DCAF6: variants seen among roughly 807,000 people sequenced by gnomAD.
DCAF6 encodes DDB1 and CUL4 associated factor 6.
DCAF6 carries 54 observed loss-of-function variants against 125.1 expected under a neutral mutation model. The observed-to-expected ratio is 0.43, with a 90% CI of 0.35 to 0.54. DCAF6 has a LOEUF of 0.54. Ranked by LOEUF, DCAF6 falls within the 20% of genes least tolerant of loss-of-function variation. DCAF6 has a pLI of 0.01. For missense variants in DCAF6, 934 were observed against 1,161.7 expected (o/e 0.80, Z 2.85); for synonymous variants, 371 against 390.4 (o/e 0.95, Z 0.58).
the DCAF6 span, among the ~76,000 whole-genome samples, chr1:167,891,239 C>T: frequency 2.6e-5 from 4 of 151,870 alleles, no homozygotes; most frequent in African/African-American, 9.7e-5. Flanking sequence ...GGATTACAGG[C>T]GTGAGCCATC....
chr1:167,999,665 C>T (rs1326056516), intron 7 of DCAF6, among the ~76,000 whole-genome samples: 1 of 152,158 alleles, frequency 6.6e-6, no homozygotes, highest in Non-Finnish European at 1.5e-5. Flanking sequence ...CATGAACCAA[C>T]CTCTGTTAGC....
At chr1:167,918,092 T>C in the DCAF6 span, 2 of 425,944 alleles carry the variant, frequency 4.7e-6, no homozygotes, top group Non-Finnish European at 8.4e-6. Context: ...TATGGTTTAT[T>C]ACGGACAAAT....
intron 10 of DCAF6, among the ~76,000 whole-genome samples, chr1:168,007,588 G>A (rs895881078): frequency 1.3e-5 from 2 of 151,516 alleles, no homozygotes; most frequent in African/African-American, 2.4e-5. Context: ...TAGATTTTTC[G>A]ACCCGGTTGC....
At chr1:167,978,160 T>A (rs1159947147) in intron 4 of DCAF6, among the ~76,000 whole-genome samples, 1 of 152,244 alleles carries the variant, frequency 6.6e-6, no homozygotes, top group Non-Finnish European at 1.5e-5. Flanking sequence ...TGTTCTATGC[T>A]GTTGGAAGTT....
chr1:168,066,860 T>A (rs1204766353), intron 20 of DCAF6, among the ~76,000 whole-genome samples: 1 of 152,204 alleles, frequency 6.6e-6, no homozygotes, highest in Non-Finnish European at 1.5e-5. Flanking sequence ...TTTTCCATTT[T>A]GAGTTTTTCT....
At chr1:167,938,046 T>C (rs569202641) in intron 1 of DCAF6, among the ~76,000 whole-genome samples, 2 of 152,366 alleles carry the variant, frequency 1.3e-5, no homozygotes, top group South Asian at 4.1e-4. Context: ...AAAGTTAGCA[T>C]GCAATTTTTT....
chr1:167,903,844 G>C, the DCAF6 span: 1 of 1,406,766 alleles, frequency 7.1e-7, no homozygotes, highest in Non-Finnish European at 1.0e-6. Context: ...AAAAAACAAT[G>C]AATTGAAATA....
chr1:168,019,361 C>T (rs965157709), intron 11 of DCAF6, among the ~76,000 whole-genome samples: 4 of 152,106 alleles, frequency 2.6e-5, no homozygotes, highest in African/African-American at 9.7e-5. Flanking sequence ...AATGTACTAT[C>T]TTAATTGTAG....
At chr1:167,881,980 A>G in the DCAF6 span, among the ~76,000 whole-genome samples, 1 of 152,168 alleles carries the variant, frequency 6.6e-6, no homozygotes. Flanking sequence ...GTGTCAATAT[A>G]TGTGTTACTC....
chr1:167,965,517 A>G (rs1443304008), intron 2 of DCAF6, among the ~76,000 whole-genome samples: 1 of 152,188 alleles, frequency 6.6e-6, no homozygotes, highest in African/African-American at 2.4e-5. Flanking sequence ...TGGATGTACA[A>G]GGTGATTTTA....
chr1:167,903,542 C>T, the DCAF6 span, among the ~76,000 whole-genome samples: 4 of 151,348 alleles, frequency 2.6e-5, no homozygotes, highest in African/African-American at 4.9e-5. Context: ...CCAGCCTGGG[C>T]GACAGAGCAA....
chr1:167,959,693 A>G (rs930568130), intron 2 of DCAF6, among the ~76,000 whole-genome samples: 1 of 152,174 alleles, frequency 6.6e-6, no homozygotes, highest in Non-Finnish European at 1.5e-5. Context: ...GGTGCCTGTT[A>G]TGGCCTTTGG....
chr1:167,883,644 C>T, the DCAF6 span: 4 of 1,614,064 alleles, frequency 2.5e-6, no homozygotes, highest in African/African-American at 1.3e-5. Context: ...AAGTAGAGAG[C>T]AGCTTTCTGT....
chr1:167,974,093 T>G (rs188644432), intron 3 of DCAF6, among the ~76,000 whole-genome samples: 1 of 152,158 alleles, frequency 6.6e-6, no homozygotes, highest in African/African-American at 2.4e-5. Context: ...AGAATTGATA[T>G]CTCAGCATAA....
At chr1:168,049,431 G>GTTTTT (rs11369573) in intron 16 of DCAF6, among the ~76,000 whole-genome samples, 58 of 101,178 alleles carry the variant, frequency 5.7e-4, no homozygotes, top group South Asian at 1.0e-3. Context: ...TGTTGTTGTT[G>GTTTTT]TTTTTTTTTT....
the DCAF6 span, among the ~76,000 whole-genome samples, chr1:167,912,442 T>A: frequency 6.6e-6 from 1 of 152,224 alleles, no homozygotes; most frequent in Non-Finnish European, 1.5e-5. Flanking sequence ...TAGAACATCA[T>A]GGCACCCTGC....
chr1:168,060,686 G>A (rs1017255387), intron 17 of DCAF6, among the ~76,000 whole-genome samples: 3 of 152,130 alleles, frequency 2.0e-5, no homozygotes, highest in African/African-American at 7.2e-5. Flanking sequence ...GAGGTCAGGA[G>A]TCCAAGACCA....
chr1:167,878,410 C>T, the DCAF6 span: 11,667 of 1,604,454 alleles, frequency 7.3e-3, 609 homozygotes, highest in African/African-American at 0.13. Flanking sequence ...CGCTTCTTTA[C>T]TAAAATATAC....
intron 12 of DCAF6, among the ~76,000 whole-genome samples, chr1:168,027,995 C>T (rs1430291636): frequency 6.6e-6 from 1 of 152,000 alleles, no homozygotes; most frequent in Non-Finnish European, 1.5e-5. Flanking sequence ...AAATAATTTT[C>T]AGTGTTCTCC....
Sources: gnomAD v4.1 joint callset for allele counts (sites outside exome capture counted in the v4.1 genomes callset) on GRCh38, gnomAD v4.1.1 for gene constraint, MANE v1.5 for transcripts, NCBI Gene and HGNC (gene_info 2026-07-23, HGNC 2026-07-21) for gene names.